Variants in MYH11 observed in about 807,000 individuals in gnomAD.
MYH11 encodes the protein myosin-11.
A neutral mutation model predicts 246.6 loss-of-function variants in MYH11; 80 were observed. That is an observed-to-expected ratio of 0.32 (90% CI 0.27 to 0.39). The LOEUF (loss-of-function observed/expected upper bound fraction) is 0.39. MYH11 is among the 10% of genes least tolerant of loss of function. The probability of loss-of-function intolerance (pLI) is 1.00; values close to 1 mark genes in which losing one functional copy is unlikely to be tolerated. For synonymous variants in MYH11, 1,071 were observed against 1,015.5 expected, an observed-to-expected ratio of 1.05 and a Z score of -1.04; for missense variants, 2,158 against 2,546.8, an observed-to-expected ratio of 0.85 and a Z score of 3.29.
At chr16:15,803,422 G>A (rs1041621424) in intron 3 of MYH11, among the ~76,000 whole-genome samples, 6 of 151,826 alleles carry the variant, frequency 4.0e-5, no homozygotes, top group African/African-American at 4.8e-5. Flanking sequence ...GACTACAGGT[G>A]CGTGCCACCA....
intron 27 of MYH11, 109 bp from the exon 28 acceptor site, chr16:15,727,163 G>T: frequency 1.1e-6 from 1 of 928,334 alleles, no homozygotes; most frequent in East Asian, 2.4e-5. Context: ...ACACAACAGG[G>T]GGCACACAAT....
chr16:15,741,299 C>G (rs1012508532), intron 22 of MYH11, 164 bp downstream of exon 22: 2 of 796,568 alleles, frequency 2.5e-6, no homozygotes, highest in East Asian at 2.5e-5. Context: ...TGTTCCAGTC[C>G]CAATCCCAGC....
At chr16:15,790,589 T>C (rs1249505671) in intron 4 of MYH11, among the ~76,000 whole-genome samples, 1 of 152,224 alleles carries the variant, frequency 6.6e-6, no homozygotes, top group East Asian at 1.9e-4. Flanking sequence ...GAAACATTCA[T>C]AGCTTGGCTT....
In MYH11 at chr16:15,757,887, C is replaced by A. The variant is rs775783264; in HGVS notation, c.1515G>T (p.Glu505Asp). 2 of 1,614,236 alleles carry A rather than the reference C, an allele frequency of 1.2e-6. No individual in the cohort carries two copies. The highest frequency in any genetic ancestry group is 2.2e-5 in the South Asian group (2 of 91,082). Reference protein sequence around the residue: ...EQEEYQREGIEWNFIDFGLDL... With the variant: ...EQEEYQREGIDWNFIDFGLDL... ...CCAGCCCAAAGTCGATGAAGTTCCA[C>A]TCGATGCCCTCGCGCTGGTACTCCT... is the stretch of plus-strand genomic sequence containing the variant. Residue 505 changes from glutamate to aspartate, a missense_variant, in exon 13 of 41, where the codon GAG (glutamate) becomes GAT (aspartate). Glu to Asp is a conservative substitution (Grantham distance 45). Coordinates refer to ENST00000300036, the MANE Select transcript of MYH11 (RefSeq NM_002474.3).
At chr16:15,835,269 C>A (rs2043862339) in intron 2 of MYH11, among the ~76,000 whole-genome samples, 1 of 152,082 alleles carries the variant, frequency 6.6e-6, no homozygotes, top group African/African-American at 2.4e-5. Flanking sequence ...TTACACAAGT[C>A]AACACTGAGC....
Position 15,738,548 on chromosome 16 carries a change from C to A in MYH11, c.3121+17G>T. ...AATAAAATAAAATAAAAATAAATCT[C>A]TTGGTAGCTGGTTTACCTTCCAGTT... On this transcript the variant is annotated intron_variant, in intron 24 of 40. Transcript: ENST00000300036. 6.2e-7 allele frequency: 1 copy of A among 1,603,416 alleles called. No homozygotes were observed. Among genetic ancestry groups the A allele is most frequent in the Non-Finnish European group, 8.5e-7 (1 of 1,173,896 alleles).
rs35035518 is a variant in MYH11 at position 15,741,764 on chromosome 16, G to A, written c.2648C>T (p.Ser883Leu). The change falls in exon 21 of 41, where the codon TCG (serine) becomes TTG (leucine). Residue 883 changes from serine to leucine, a missense_variant. By Grantham distance (145) the Ser-to-Leu change is moderately radical. This residue lies in a region of MYH11 where 90 missense variants were observed against 144.2 expected (regional missense o/e 0.62). Coordinates refer to ENST00000300036, the MANE Select transcript of MYH11 (RefSeq NM_002474.3). ...NELKELEQKH[S>L]QLTEEKNLLQ... ...GCCATGCATCCATACAGGTACCTGC[G>A]AGTGCTTCTGTTCCAGCTCCTTAAG... is the stretch of plus-strand genomic sequence containing the variant. The A allele has an allele frequency of 2.7e-4, 443 of 1,614,132 alleles. 1 individual carries two copies. The highest frequency in any genetic ancestry group is 4.9e-4 in the African/African-American group (37 of 75,022).
In MYH11 at chr16:15,703,651, C is replaced by G. The variant is rs2039302047; in HGVS notation, c.*340G>C. On this transcript the variant is annotated 3_prime_UTR_variant, in exon 41 of 41. Coordinates refer to ENST00000300036, the MANE Select transcript of MYH11 (RefSeq NM_002474.3). ...TTGCCCAGGCTGGAGTGCAATGATG[C>G]AATTATAGCTCATTGCAGCCTCGAA... 2 of 421,746 alleles carry G rather than the reference C, an allele frequency of 4.7e-6. No individual in the cohort carries two copies. Among genetic ancestry groups the G allele is most frequent in the South Asian group, 4.7e-5 (2 of 42,342 alleles). The allele number at this position is 421,746 out of a possible 1,614,324, so 26.1% of individuals were successfully genotyped here. A position where few individuals can be genotyped will look rare whatever the true frequency, so the allele number is the denominator to read the frequency against.
At chr16:15,839,634 C>T (rs1374668052) in intron 1 of MYH11, among the ~76,000 whole-genome samples, 1 of 151,526 alleles carries the variant, frequency 6.6e-6, no homozygotes, top group Non-Finnish European at 1.5e-5. Flanking sequence ...GCGGAGGTTG[C>T]AGTGAGCTGA....
intron 2 of MYH11, among the ~76,000 whole-genome samples, chr16:15,831,461 T>TGGGGTG (rs1555458265): frequency 4.3e-5 from 3 of 70,304 alleles, no homozygotes; most frequent in African/African-American, 1.9e-4. Flanking sequence ...TTCTTATGTT[T>TGGGGTG]GGGGTGTGTG....
intron 1 of MYH11, among the ~76,000 whole-genome samples, chr16:15,847,197 A>AGGAGAGTGTTTCATTT (rs2044212638): frequency 6.6e-6 from 1 of 151,228 alleles, no homozygotes; most frequent in African/African-American, 2.4e-5. Context: ...CAAGAGGGCT[A>AGGAGAGTGTTTCATTT]GGAGAGTGTT....
chr16:15,747,393 T>A (rs1437390176), intron 19 of MYH11, among the ~76,000 whole-genome samples, 177 bp downstream of exon 19: 1 of 152,178 alleles, frequency 6.6e-6, no homozygotes, highest in African/African-American at 2.4e-5. Flanking sequence ...CTTCCTGCAC[T>A]CGTAACTTGG....
At chr16:15,836,834 C>T (rs1360509734) in intron 2 of MYH11, among the ~76,000 whole-genome samples, 1 of 148,956 alleles carries the variant, frequency 6.7e-6, no homozygotes, top group African/African-American at 2.5e-5. Flanking sequence ...AAGCAATTCT[C>T]CTGCCTCAGC....
chr16:15,755,661 G>A (rs1397602004), intron 14 of MYH11, among the ~76,000 whole-genome samples: 1 of 152,140 alleles, frequency 6.6e-6, no homozygotes, highest in Non-Finnish European at 1.5e-5. Flanking sequence ...GGCCAGGCAC[G>A]GTGGCTCATG....
At position 15,719,291 on chromosome 16, in the gene MYH11, C is replaced by T; in HGVS notation, c.5100G>A (p.Glu1700=). 6.2e-7 allele frequency: 1 copy of T among 1,612,176 alleles called. No individual in the cohort carries two copies. The highest frequency in any genetic ancestry group is 8.5e-7 in the Non-Finnish European group (1 of 1,180,008). The change falls in exon 36 of 41, where the codon GAG becomes GAA. Residue 1700 remains glutamate, a synonymous_variant. Coordinates refer to ENST00000300036, the MANE Select transcript of MYH11 (RefSeq NM_002474.3). ...CGAGGTCCGCTTGTTTGCGAGCCCT[C>T]TCAGCGGCGGCGAGGTCCTAGGTGG... The part of the protein sequence containing the change: ...MQLQEDLAAA[E]RARKQADLEK...
In MYH11 at chr16:15,741,774, G is replaced by C. The variant is rs1184028559; in HGVS notation, c.2638C>G (p.Gln880Glu). The change falls in exon 21 of 41, where the codon CAG (glutamine) becomes GAG (glutamate). Residue 880 changes from glutamine (Q) to glutamate (E), a missense_variant. Transcript: ENST00000300036. ...CATACAGGTACCTGCGAGTGCTTCT[G>C]TTCCAGCTCCTTAAGCTCATTCTCT... ...KAENELKELE[Q>E]KHSQLTEEKN... 6.2e-7 allele frequency: 1 copy of C among 1,614,086 alleles called. No individual in the cohort carries two copies. Among genetic ancestry groups the C allele is most frequent in the African/African-American group, 1.3e-5 (1 of 74,922 alleles).
chr16:15,772,931 C>T (rs965388617), intron 8 of MYH11, among the ~76,000 whole-genome samples: 8 of 152,112 alleles, frequency 5.3e-5, no homozygotes, highest in Non-Finnish European at 1.0e-4. Flanking sequence ...CATCACCCCC[C>T]GATGGGACTG....
intron 6 of MYH11, among the ~76,000 whole-genome samples, chr16:15,781,492 C>CT (rs375148016): frequency 2.0e-4 from 30 of 152,310 alleles, no homozygotes; most frequent in African/African-American, 7.2e-4. Flanking sequence ...CAGAGACCCC[C>CT]TTCTCCTGGA....
chr16:15,769,497 C>T (rs1052390865), intron 9 of MYH11, among the ~76,000 whole-genome samples: 2 of 151,850 alleles, frequency 1.3e-5, no homozygotes, highest in Non-Finnish European at 2.9e-5. Context: ...GGTGTGATCT[C>T]GGCTCACTGC....
Sources: gnomAD v4.1 joint callset for allele counts (sites outside exome capture counted in the v4.1 genomes callset) on GRCh38, gnomAD v4.1.1 for gene constraint, gnomAD v4.1.1 regional missense constraint, MANE v1.5 for transcripts, NCBI Gene and HGNC (gene_info 2026-07-23, HGNC 2026-07-21) for gene names.